CREG2: variants seen among roughly 807,000 people sequenced by gnomAD.
CREG2 encodes the protein protein CREG2.
In CREG2, 24 loss-of-function variants were observed where a neutral mutation model predicts 26.2. The ratio of observed to expected loss-of-function variants is 0.92; its 90% CI spans 0.66 to 1.29. The LOEUF (loss-of-function observed/expected upper bound fraction) is 1.29. Ranked by LOEUF, CREG2 falls within the 50% of genes most tolerant of loss-of-function variation. The probability of loss-of-function intolerance (pLI) is 0.00; values close to 1 mark genes in which losing one functional copy is unlikely to be tolerated. For synonymous variants in CREG2, 174 were observed against 169.2 expected, an observed-to-expected ratio of 1.03 and a Z score of -0.22; for missense variants, 366 against 398.6, an observed-to-expected ratio of 0.92 and a Z score of 0.70.
intron 3 of CREG2, among the ~76,000 whole-genome samples, chr2:101,355,042 A>G (rs147492257): frequency 1.1e-3 from 160 of 152,304 alleles, no homozygotes; most frequent in Non-Finnish European, 1.8e-3. Flanking sequence ...TACCTGGAAT[A>G]GCTCAGTGCA....
intron 2 of CREG2, chr2:101,382,917 A>T: frequency 2.0e-6 from 2 of 985,760 alleles, no homozygotes; most frequent in African/African-American, 3.5e-5. Flanking sequence ...CTCCATGCAG[A>T]CATTTCCCGG....
intron 2 of CREG2, among the ~76,000 whole-genome samples, chr2:101,361,556 G>A (rs1011624656): frequency 6.6e-6 from 1 of 152,226 alleles, no homozygotes. Flanking sequence ...TCAGGAAACA[G>A]ACTCTGCCCC....
chr2:101,368,070 C>G (rs182404127), intron 2 of CREG2, among the ~76,000 whole-genome samples: 52 of 152,228 alleles, frequency 3.4e-4, no homozygotes, highest in Admixed American at 5.9e-4. Context: ...GAGCAGATCA[C>G]GAGGTCAGGA....
At chr2:101,352,247 A>C (rs1470415634) in intron 3 of CREG2, among the ~76,000 whole-genome samples, 1 of 152,248 alleles carries the variant, frequency 6.6e-6, no homozygotes, top group Non-Finnish European at 1.5e-5. Flanking sequence ...TTGGAAGTAC[A>C]GTATCCAAAA....
intron 3 of CREG2, among the ~76,000 whole-genome samples, chr2:101,352,896 A>T (rs963485194): frequency 1.3e-5 from 2 of 152,078 alleles, no homozygotes; most frequent in East Asian, 1.9e-4. Flanking sequence ...GCTGCAGTGA[A>T]ATATGATTAC....
chr2:101,377,141 A>G (rs1050901096), intron 2 of CREG2, among the ~76,000 whole-genome samples: 1 of 152,200 alleles, frequency 6.6e-6, no homozygotes, highest in Non-Finnish European at 1.5e-5. Flanking sequence ...TAAGTGATAA[A>G]TTGTTATTTT....
chr2:101,377,456 G>C (rs1684810494), intron 2 of CREG2, among the ~76,000 whole-genome samples: 1 of 152,156 alleles, frequency 6.6e-6, no homozygotes, highest in Admixed American at 6.5e-5. Context: ...GCTATTCAAG[G>C]CTGCATGCTC....
chr2:101,373,933 C>T (rs976189095), intron 2 of CREG2, among the ~76,000 whole-genome samples: 2 of 152,202 alleles, frequency 1.3e-5, no homozygotes, highest in African/African-American at 4.8e-5. Context: ...GTGGCACGAT[C>T]GCTGCTCACT....
At chr2:101,355,481 G>GAA in intron 2 of CREG2, 115 bp from the exon 3 acceptor site, 1 of 665,890 alleles carries the variant, frequency 1.5e-6, no homozygotes, top group Non-Finnish European at 2.7e-6. Context: ...TATCATTCAG[G>GAA]TTATGGATAT....
chr2:101,384,848 C>T (rs111408528), intron 1 of CREG2, among the ~76,000 whole-genome samples: 15,073 of 152,032 alleles, frequency 0.099, 899 homozygotes, highest in African/African-American at 0.17. Flanking sequence ...GTGACAGAGC[C>T]AGACCCCATC....
chr2:101,380,692 C>T (rs11888946), intron 2 of CREG2, among the ~76,000 whole-genome samples: 35,641 of 151,888 alleles, frequency 0.23, 4,776 homozygotes, highest in South Asian at 0.35. Context: ...GCCTGTAATC[C>T]CAAGCGTGGG....
intron 2 of CREG2, among the ~76,000 whole-genome samples, chr2:101,370,226 G>A (rs897243402): frequency 1.3e-5 from 2 of 152,164 alleles, no homozygotes; most frequent in Admixed American, 6.5e-5. Context: ...AACTCTTCAT[G>A]TATACCATAT....
chr2:101,349,776 C>G lies in CREG2; in HGVS notation c.*1147G>C, dbSNP rs1347459676. The G allele has an allele frequency of 6.6e-6, 1 of 151,918 alleles. No individual in the cohort carries two copies. The highest frequency in any genetic ancestry group is 1.5e-5 in the Non-Finnish European group (1 of 67,980). 9.4% of individuals were successfully genotyped at this position (151,918 alleles called of 1,614,324 possible). ...TTTCCAAAAGCAAGAAACATCATCT[C>G]CAGGCAAGCTAGTCCTTCTTTTTTA... is the stretch of plus-strand genomic sequence containing the variant. On this transcript the variant is annotated 3_prime_UTR_variant, in exon 4 of 4. Transcript: ENST00000324768.
At chr2:101,381,413 G>A (rs1038745503) in intron 2 of CREG2, among the ~76,000 whole-genome samples, 2 of 152,228 alleles carry the variant, frequency 1.3e-5, no homozygotes, top group African/African-American at 4.8e-5. Context: ...AACCTAAAAT[G>A]TAAAGCTCCA....
At chr2:101,385,718 A>G (rs934203875) in intron 1 of CREG2, among the ~76,000 whole-genome samples, 2 of 152,230 alleles carry the variant, frequency 1.3e-5, no homozygotes, top group Admixed American at 1.3e-4. Flanking sequence ...AACTTTGTTC[A>G]TATATCCCAT....
In CREG2 at chr2:101,385,153, C is replaced by T. The variant is rs115063914; in HGVS notation, c.442-1451G>A. Reference sequence around the variant, plus strand: ...ATGTTTCTGTGACTGCAGATATAAACAAAAATATTTATTTATTTATTTTAT... The same window carrying T: ...ATGTTTCTGTGACTGCAGATATAAATAAAAATATTTATTTATTTATTTTAT... On this transcript the variant is annotated intron_variant, in intron 1 of 3. Transcript: ENST00000324768. 9.7e-3 allele frequency among the ~76,000 whole-genome samples: 1,482 copies of T among 152,128 alleles called. 33 individuals are homozygous for T. The highest frequency in any genetic ancestry group is 0.033 in the African/African-American group (1,380 of 41,506).
Position 101,350,809 on chromosome 2 carries a change from G to A in CREG2, c.*114C>T. 9.7e-7 allele frequency: 1 copy of A among 1,028,446 alleles called. No homozygotes were observed. The highest frequency in any genetic ancestry group is 1.5e-6 in the Non-Finnish European group (1 of 683,664). 63.7% of individuals were successfully genotyped at this position (1,028,446 alleles called of 1,614,324 possible). A position where few individuals can be genotyped will look rare whatever the true frequency, so the allele number is the denominator to read the frequency against. On this transcript the variant is annotated 3_prime_UTR_variant, in exon 4 of 4. Coordinates refer to ENST00000324768, the MANE Select transcript of CREG2 (RefSeq NM_153836.4). ...CCCTCTCTCATTCTGCTGCAGGGAT[G>A]GCAGGGCTGCTATGAACCCTTCAAC...
chr2:101,355,321 C>A lies in CREG2; in HGVS notation c.657G>T (p.Thr219=). 1.2e-6 allele frequency: 2 copies of A among 1,613,980 alleles called. No individual in the cohort carries two copies. Among genetic ancestry groups the A allele is most frequent in the Non-Finnish European group, 1.7e-6 (2 of 1,179,922 alleles). Residue 219 remains threonine (T), a synonymous_variant, in exon 3 of 4, where the codon ACG becomes ACT. Transcript: ENST00000324768. ...DPEDPRCVQL[T]LTGQMIAVSP... is the part of the protein sequence containing the mutation. ...ACACTGCGATCATCTGGCCAGTGAG[C>A]GTTAACTGGACACATCGGGGATCTT...
chr2:101,360,424 G>T (rs1444050449), intron 2 of CREG2, among the ~76,000 whole-genome samples: 5 of 152,150 alleles, frequency 3.3e-5, no homozygotes, highest in African/African-American at 9.7e-5. Flanking sequence ...AATATGTGCT[G>T]TGTGGCTCCA....
Sources: gnomAD v4.1 joint callset for allele counts (sites outside exome capture counted in the v4.1 genomes callset) on GRCh38, gnomAD v4.1.1 for gene constraint, MANE v1.5 for transcripts, NCBI Gene and HGNC (gene_info 2026-07-23, HGNC 2026-07-21) for gene names.